ATP1A4: variants seen among roughly 807,000 people sequenced by gnomAD.
The protein encoded by ATP1A4 is ATPase Na+/K+ transporting subunit alpha 4.
A neutral mutation model predicts 114.3 loss-of-function variants in ATP1A4; 90 were observed. That is an observed-to-expected ratio of 0.79 (90% CI 0.66 to 0.94). ATP1A4 has a LOEUF of 0.94. Ranked by LOEUF, ATP1A4 falls within the 40% of genes least tolerant of loss-of-function variation. The pLI, the probability that ATP1A4 is intolerant of heterozygous loss-of-function variation, is 0.00. For missense variants in ATP1A4, 1,222 were observed against 1,313.6 expected (o/e 0.93, Z 1.08); for synonymous variants, 511 against 494.1 (o/e 1.03, Z -0.45).
chr1:160,162,131 C>T (rs977645087), intron 6 of ATP1A4, among the ~76,000 whole-genome samples: 1 of 152,140 alleles, frequency 6.6e-6, no homozygotes, highest in Non-Finnish European at 1.5e-5. Context: ...AAGTAACTTG[C>T]CCCAAGGAAA....
rs1213159940 is a variant in ATP1A4, at chr1:160,152,031, G to A, written c.-10G>A. 3 of 1,608,272 alleles carry A rather than the reference G, an allele frequency of 1.9e-6. No individual in the cohort carries two copies. The highest frequency in any genetic ancestry group is 1.3e-5 in the African/African-American group (1 of 74,514). On this transcript the variant is annotated 5_prime_UTR_variant, in exon 1 of 22. Transcript: ENST00000368081. ...CAGTTGAGCTCGGGCAGCTCTTTCT[G>A]GGGATAGCTATGGGGCTTTGGGGGA... is the stretch of plus-strand genomic sequence containing the variant.
intron 5 of ATP1A4, 34 bp from the exon 6 acceptor site, chr1:160,159,375 C>A: frequency 1.3e-6 from 2 of 1,554,744 alleles, no homozygotes; most frequent in Non-Finnish European, 1.8e-6. Context: ...TTTTCCTATG[C>A]TCACCTTACA....
chr1:160,151,946 C>G lies in ATP1A4; in HGVS notation c.-95C>G, dbSNP rs745780620. 1 of 1,424,078 alleles carries G rather than the reference C, an allele frequency of 7.0e-7. No individual in the cohort carries two copies. Among genetic ancestry groups the G allele is most frequent in the Non-Finnish European group, 9.4e-7 (1 of 1,061,868 alleles). 88.2% of individuals were successfully genotyped at this position (1,424,078 alleles called of 1,614,324 possible). The stretch of plus-strand genomic sequence containing the variant: ...TCTCCCCACCACTCTCTTCTCGTGG[C>G]CCCCTTGCCCGCGCGCCCTCTTCCC... On this transcript the variant is annotated 5_prime_UTR_variant, in exon 1 of 22. Coordinates refer to ENST00000368081, the MANE Select transcript of ATP1A4 (RefSeq NM_144699.4).
intron 20 of ATP1A4, among the ~76,000 whole-genome samples, chr1:160,185,528 A>G (rs1056532224): frequency 2.6e-5 from 4 of 152,080 alleles, no homozygotes; most frequent in African/African-American, 9.7e-5. Context: ...GCTCATGCCT[A>G]TAATCCTAGC....
intron 6 of ATP1A4, among the ~76,000 whole-genome samples, chr1:160,162,302 G>T (rs1652889423): frequency 6.6e-6 from 1 of 152,182 alleles, no homozygotes; most frequent in Admixed American, 6.5e-5. Flanking sequence ...TTTAAGAAAA[G>T]AATTTTGTCA....
chr1:160,154,077 T>A (rs1652551517), intron 2 of ATP1A4, among the ~76,000 whole-genome samples: 2 of 152,292 alleles, frequency 1.3e-5, no homozygotes, highest in Middle Eastern at 3.4e-3. Flanking sequence ...TTATGTTTTT[T>A]AAAAATTTAT....
intron 10 of ATP1A4, among the ~76,000 whole-genome samples, chr1:160,169,357 ATT>A (rs905996074): frequency 1.3e-5 from 2 of 151,960 alleles, no homozygotes; most frequent in African/African-American, 4.8e-5. Flanking sequence ...TCAAGATGTG[ATT>A]TTCTTCCGTG....
chr1:160,179,886 G>A (rs1653617778), intron 18 of ATP1A4, among the ~76,000 whole-genome samples: 1 of 152,174 alleles, frequency 6.6e-6, no homozygotes, highest in South Asian at 2.1e-4. Flanking sequence ...GAATACTAGA[G>A]TGAGATGGAA....
At chr1:160,186,558 C>A in intron 21 of ATP1A4, 113 bp from the exon 22 acceptor site, 1 of 1,287,034 alleles carries the variant, frequency 7.8e-7, no homozygotes, top group Non-Finnish European at 1.1e-6. Flanking sequence ...CCTCAGTGCC[C>A]TGTGTTCCAG....
In ATP1A4 at chr1:160,152,079, T is replaced by A. The variant is rs183382735; in HGVS notation, c.39T>A (p.His13Gln). 9.9e-5 allele frequency: 160 copies of A among 1,613,656 alleles called. No homozygotes were observed. The East Asian group carries it at 3.3e-3, about 33-fold the overall frequency. ...LWGKKGTVAP[H>Q]DQSPRRRPKK... ...GGAAGAAAGGGACAGTGGCTCCCCA[T>A]GACCAGAGTCCAAGACGAAGACCTA... The change falls in exon 1 of 22, where the codon CAT becomes CAA. Residue 13 changes from histidine (H) to glutamine (Q), a missense_variant. Transcript: ENST00000368081.
chr1:160,181,968 T>C lies in ATP1A4; in HGVS notation c.2906T>C (p.Leu969Pro). The C allele has an allele frequency of 6.2e-7, 1 of 1,614,152 alleles. No individual in the cohort carries two copies. The highest frequency in any genetic ancestry group is 1.3e-5 in the African/African-American group (1 of 75,026). The change falls in exon 20 of 22, where the codon CTC becomes CCC. Residue 969 changes from leucine (L) to proline (P), a missense_variant. Leu to Pro is a moderately conservative substitution (Grantham distance 98, BLOSUM62 -3). Coordinates refer to ENST00000368081, the MANE Select transcript of ATP1A4 (RefSeq NM_144699.4). ...VLIFGILEET[L>P]LAAFLSYTPG... ...ATATTTGGGATCCTGGAGGAGACAC[T>C]CTTGGCTGCATTTCTGTCCTACACT... is the stretch of plus-strand genomic sequence containing the variant.
chr1:160,177,309 T>G, intron 17 of ATP1A4: 1 of 528,362 alleles, frequency 1.9e-6, no homozygotes, highest in Non-Finnish European at 3.3e-6. Context: ...GGTCAGAGTT[T>G]AGAAACAAAT....
At chr1:160,152,222 C>T (rs1456447964) in intron 1 of ATP1A4, 35 bp downstream of exon 1, 1 of 1,604,272 alleles carries the variant, frequency 6.2e-7, no homozygotes, top group Middle Eastern at 1.7e-4. Flanking sequence ...GACAGCTGCC[C>T]TCTGAAAACA....
intron 21 of ATP1A4, 49 bp downstream of exon 21, chr1:160,186,416 C>T: frequency 7.1e-7 from 1 of 1,414,268 alleles, no homozygotes. Context: ...CCAGCCCCCT[C>T]ACTAGCTCTC....
intron 21 of ATP1A4, 76 bp downstream of exon 21, chr1:160,186,443 C>CCCAGGCTGGAG: frequency 8.1e-7 from 1 of 1,238,404 alleles, no homozygotes; most frequent in Non-Finnish European, 1.2e-6. Context: ...CACCTAGTCC[C>CCCAGGCTGGAG]TCCAGACCCA....
intron 1 of ATP1A4, among the ~76,000 whole-genome samples, chr1:160,152,555 G>T (rs998952843): frequency 1.5e-4 from 23 of 152,142 alleles, no homozygotes; most frequent in African/African-American, 5.3e-4. Context: ...TTTGGCCCTT[G>T]TTTCCACAGA....
intron 8 of ATP1A4, 96 bp downstream of exon 8, chr1:160,166,822 G>T: frequency 6.4e-7 from 1 of 1,551,804 alleles, no homozygotes; most frequent in Non-Finnish European, 8.8e-7. Flanking sequence ...ACAGGAGGGA[G>T]CCTGAAAGTG....
chr1:160,175,758 G>A (rs979593055), intron 15 of ATP1A4, among the ~76,000 whole-genome samples: 1 of 152,078 alleles, frequency 6.6e-6, no homozygotes, highest in Non-Finnish European at 1.5e-5. Context: ...CCTGTCCCAA[G>A]CCCTGGCTGT....
intron 10 of ATP1A4, 124 bp from the exon 11 acceptor site, chr1:160,171,127 G>T (rs1653238974): frequency 2.4e-6 from 2 of 843,270 alleles, no homozygotes; most frequent in Admixed American, 4.7e-5. Flanking sequence ...ACTGGGGAGG[G>T]GAGGGAACAA....
Sources: gnomAD v4.1 joint callset for allele counts (sites outside exome capture counted in the v4.1 genomes callset) on GRCh38, gnomAD v4.1.1 for gene constraint, MANE v1.5 for transcripts, NCBI Gene and HGNC (gene_info 2026-07-23, HGNC 2026-07-21) for gene names.